Variants in CYP4F22 observed in about 807,000 individuals in gnomAD.
CYP4F22 encodes cytochrome P450 family 4 subfamily F member 22.
Under a neutral mutation model 60.4 loss-of-function variants are expected in CYP4F22, and 37 were observed. The ratio of observed to expected loss-of-function variants is 0.61; its 90% CI spans 0.47 to 0.81. The LOEUF (loss-of-function observed/expected upper bound fraction) is 0.81, where lower values mean the gene tolerates loss of function less well. Ranked by LOEUF, CYP4F22 falls within the 30% of genes least tolerant of loss-of-function variation. CYP4F22 has a pLI of 0.00. For synonymous variants in CYP4F22, 258 were observed against 280.5 expected, an observed-to-expected ratio of 0.92 and a Z score of 0.80; for missense variants, 655 against 715.0, an observed-to-expected ratio of 0.92 and a Z score of 0.96.
At chr19:15,537,158 G>T (rs532947557) in intron 4 of CYP4F22, among the ~76,000 whole-genome samples, 1 of 151,986 alleles carries the variant, frequency 6.6e-6, no homozygotes, top group Non-Finnish European at 1.5e-5. Flanking sequence ...CAAATTAGCC[G>T]GGCATGGTGG....
chr19:15,541,966 T>C (rs1971468365), intron 8 of CYP4F22, among the ~76,000 whole-genome samples: 1 of 152,210 alleles, frequency 6.6e-6, no homozygotes, highest in Non-Finnish European at 1.5e-5. Flanking sequence ...TTTTGGGTTC[T>C]GGATTCAAAT....
intron 4 of CYP4F22, among the ~76,000 whole-genome samples, chr19:15,536,693 A>G (rs568141147): frequency 6.6e-6 from 1 of 152,324 alleles, no homozygotes; most frequent in East Asian, 1.9e-4. Flanking sequence ...CAACCTGGTC[A>G]AAGGTTCAGA....
chr19:15,540,456 G>T lies in CYP4F22; in HGVS notation c.678G>T (p.Met226Ile), dbSNP rs367667200. Residue 226 changes from methionine (M) to isoleucine (I), a missense_variant, in exon 8 of 14, where the codon ATG becomes ATT. This residue lies in a region of CYP4F22 where 430 missense variants were observed against 457.1 expected (regional missense o/e 0.94). Coordinates refer to ENST00000269703, the MANE Select transcript of CYP4F22 (RefSeq NM_173483.4). ...FSYNSNCQEK[M>I]SDYISAIIEL... ...ATCCCCTTCTCCTTGGCAGGAAGAT[G>T]AGTGATTATATCTCCGCTATCATTG... The T allele has an allele frequency of 2.5e-6, 4 of 1,614,176 alleles. No homozygotes were observed. Among genetic ancestry groups the T allele is most frequent in the Non-Finnish European group, 3.4e-6 (4 of 1,180,034 alleles).
At chr19:15,509,119 T>A (rs1422129713) in intron 1 of CYP4F22, among the ~76,000 whole-genome samples, 3 of 152,124 alleles carry the variant, frequency 2.0e-5, no homozygotes, top group African/African-American at 7.2e-5. Flanking sequence ...GCAGAGCCCC[T>A]CTATGAAAAG....
Position 15,544,154 on chromosome 19 carries a change from C to G in CYP4F22, c.1011C>G (p.His337Gln), listed in dbSNP as rs762779449. Reference sequence around the variant, plus strand: ...GATACCCTCATCTCCCTGCAGGTCACGACACAACATCCAGTGGGATCTCTT... The same window carrying G: ...GATACCCTCATCTCCCTGCAGGTCAGGACACAACATCCAGTGGGATCTCTT... ...AEADTFMFEG[H>Q]DTTSSGISWM... The change falls in exon 10 of 14, where the codon CAC (histidine) becomes CAG (glutamine). Residue 337 changes from histidine (H) to glutamine (Q), a missense_variant. By Grantham distance (24) the His-to-Gln change is conservative. Around this residue, in one of 3 missense-constraint regions of CYP4F22, gnomAD observed 430 missense variants for 457.1 expected, o/e 0.94. Coordinates refer to ENST00000269703, the MANE Select transcript of CYP4F22 (RefSeq NM_173483.4). 1.9e-6 allele frequency: 3 copies of G among 1,614,138 alleles called. No individual in the cohort carries two copies. The highest frequency in any genetic ancestry group is 2.2e-5 in the East Asian group (1 of 44,882).
chr19:15,542,690 T>C (rs1407541923), intron 8 of CYP4F22, among the ~76,000 whole-genome samples: 2 of 152,030 alleles, frequency 1.3e-5, no homozygotes, highest in African/African-American at 2.4e-5. Flanking sequence ...CTATTTATCC[T>C]GATATTCTCC....
intron 9 of CYP4F22, 31 bp downstream of exon 9, chr19:15,544,068 C>CAGG (rs1488932941): frequency 1.9e-6 from 3 of 1,614,004 alleles, no homozygotes. Flanking sequence ...TGGAGGAGGG[C>CAGG]AGGAAGGGAC....
intron 10 of CYP4F22, among the ~76,000 whole-genome samples, chr19:15,546,681 G>GA (rs1971529954): frequency 6.6e-6 from 1 of 152,050 alleles, no homozygotes. Flanking sequence ...AAGTCCAAGG[G>GA]AAAAAATATT....
chr19:15,545,840 T>C (rs1971520663), intron 10 of CYP4F22, among the ~76,000 whole-genome samples: 1 of 152,040 alleles, frequency 6.6e-6, no homozygotes, highest in African/African-American at 2.4e-5. Context: ...CTAATCTTCC[T>C]TTTAAACAAG....
At chr19:15,516,820 T>TGAAGA (rs1971160535) in intron 1 of CYP4F22, 1 of 412,838 alleles carries the variant, frequency 2.4e-6, no homozygotes, top group African/African-American at 2.1e-5. Context: ...GTACGTGGCC[T>TGAAGA]GAAGAGATGT....
In CYP4F22 at chr19:15,520,551, C is replaced by A. The variant is rs529831398; in HGVS notation, c.-108-3142C>A. On this transcript the variant is annotated intron_variant, in intron 1 of 13. Coordinates refer to ENST00000269703, the MANE Select transcript of CYP4F22 (RefSeq NM_173483.4). Reference sequence around the variant, plus strand: ...TCACAGGGGTACCAGGCTTTCCATACGGACCACACACAGAGCCTCAGTGCA... The same window carrying A: ...TCACAGGGGTACCAGGCTTTCCATAAGGACCACACACAGAGCCTCAGTGCA... 2.0e-5 allele frequency among the ~76,000 whole-genome samples: 3 copies of A among 151,582 alleles called. No homozygotes were observed. In the East Asian group the frequency reaches 5.8e-4, roughly 29 times the overall value.
rs1339094459 is a variant in CYP4F22, at chr19:15,552,253, A to C, written c.*782A>C. Reference sequence around the variant, plus strand: ...GAATGAGGGGCTCTGCAACTGAGCGAAGCTGCGGGCTAGGAGGCTGGAAAG... The same window carrying C: ...GAATGAGGGGCTCTGCAACTGAGCGCAGCTGCGGGCTAGGAGGCTGGAAAG... On this transcript the variant is annotated 3_prime_UTR_variant, in exon 14 of 14. Transcript: ENST00000269703. The C allele has an allele frequency of 6.6e-6, 1 of 152,220 alleles. No individual in the cohort carries two copies. Among genetic ancestry groups the C allele is most frequent in the East Asian group, 1.9e-4 (1 of 5,192 alleles). The allele number at this position is 152,220 out of a possible 1,614,324, so 9.4% of individuals were successfully genotyped here. A position where few individuals can be genotyped will look rare whatever the true frequency, so the allele number is the denominator to read the frequency against.
intron 3 of CYP4F22, among the ~76,000 whole-genome samples, chr19:15,526,187 C>G (rs1392057156): frequency 2.0e-5 from 3 of 152,048 alleles, no homozygotes; most frequent in African/African-American, 7.2e-5. Flanking sequence ...AAAAAGAACT[C>G]TCTCTATAAT....
At chr19:15,535,477 C>T (rs1467763749) in intron 4 of CYP4F22, among the ~76,000 whole-genome samples, 5 of 152,204 alleles carry the variant, frequency 3.3e-5, no homozygotes, top group African/African-American at 1.2e-4. Context: ...TGATATCACT[C>T]GAATTTCAGA....
Position 15,529,867 on chromosome 19 carries a change from G to T in CYP4F22, c.367+14G>T, listed in dbSNP as rs1261902404. ...TGGGAGCCTCAGGTACGTGGGCTGG[G>T]CCTCCGATCTATGGTTGAGTCCTCA... On this transcript the variant is annotated intron_variant, in intron 4 of 13. Transcript: ENST00000269703. The T allele has an allele frequency of 6.2e-7, 1 of 1,613,764 alleles. No individual in the cohort carries two copies.
At chr19:15,523,019 T>G (rs373048907) in intron 1 of CYP4F22, among the ~76,000 whole-genome samples, 1 of 151,712 alleles carries the variant, frequency 6.6e-6, no homozygotes, top group South Asian at 2.1e-4. Context: ...CCAACAAATT[T>G]CACTTCTGCA....
At chr19:15,513,715 G>A (rs1971121698) in intron 1 of CYP4F22, among the ~76,000 whole-genome samples, 1 of 152,054 alleles carries the variant, frequency 6.6e-6, no homozygotes, top group African/African-American at 2.4e-5. Context: ...TGTCCAGGCT[G>A]GTTGCGAACT....
At position 15,551,834 on chromosome 19, in the gene CYP4F22, GC is replaced by G; in HGVS notation, c.*366del. 3.0e-6 allele frequency: 1 copy of G among 337,050 alleles called. No homozygotes were observed. The highest frequency in any genetic ancestry group is 5.6e-6 in the Non-Finnish European group (1 of 178,130). 20.9% of individuals were successfully genotyped at this position (337,050 alleles called of 1,614,324 possible). A position where few individuals can be genotyped will look rare whatever the true frequency, so the allele number is the denominator to read the frequency against. ...CTGCAGATCCAGGTCTCCAGGCCTT[GC>G]CCACTGAGCCTTCAGAGGACCTAAG... On this transcript the variant is annotated 3_prime_UTR_variant, in exon 14 of 14. Transcript: ENST00000269703.
chr19:15,539,725 TTTG>T (rs1274768286), intron 7 of CYP4F22, among the ~76,000 whole-genome samples: 3 of 152,210 alleles, frequency 2.0e-5, no homozygotes, highest in Admixed American at 6.5e-5. Flanking sequence ...CTTGCTTTTT[TTTG>T]TTGTTGTTGT....
Sources: gnomAD v4.1 joint callset for allele counts (sites outside exome capture counted in the v4.1 genomes callset) on GRCh38, gnomAD v4.1.1 for gene constraint, gnomAD v4.1.1 regional missense constraint, MANE v1.5 for transcripts, NCBI Gene and HGNC (gene_info 2026-07-23, HGNC 2026-07-21) for gene names.